DCAF12: variants seen among roughly 807,000 people sequenced by gnomAD.
DCAF12 encodes the protein DDB1 and CUL4 associated factor 12, also known as DDB1- and CUL4-associated factor 12.
DCAF12 carries 28 observed loss-of-function variants against 52.8 expected under a neutral mutation model. The observed-to-expected ratio is 0.53, with a 90% CI of 0.39 to 0.73. The LOEUF is 0.73. Among genes scored for constraint, DCAF12 ranks in the 30% least tolerant of loss-of-function variants. DCAF12 has a pLI of 0.00. For synonymous variants in DCAF12, 196 were observed against 215.5 expected (o/e 0.91, Z 0.79); for missense variants, 425 against 552.2 (o/e 0.77, Z 2.31).
intron 2 of DCAF12, among the ~76,000 whole-genome samples, chr9:34,111,574 C>A (rs991720534): frequency 2.6e-5 from 4 of 152,188 alleles, no homozygotes; most frequent in African/African-American, 9.7e-5. Flanking sequence ...ACAACAGTCA[C>A]CTTTCAGAGG....
At chr9:34,098,674 G>A (rs766867805) in intron 4 of DCAF12, among the ~76,000 whole-genome samples, 157 bp from the exon 5 acceptor site, 6 of 152,338 alleles carry the variant, frequency 3.9e-5, no homozygotes, top group Non-Finnish European at 8.8e-5. Flanking sequence ...CAGAGCAGTA[G>A]GCATTTTAAT....
chr9:34,126,381 T>C lies in DCAF12; in HGVS notation c.51A>G (p.Gly17=), dbSNP rs1224333650. The C allele has an allele frequency of 6.2e-7, 1 of 1,611,998 alleles. No individual in the cohort carries two copies. Among genetic ancestry groups the C allele is most frequent in the Admixed American group, 1.7e-5 (1 of 59,998 alleles). ...SRKRKAPASP[G]AGSDAQGPQF... Reference sequence around the variant, plus strand: ...GCGGGCCCTGAGCGTCGCTCCCAGCTCCCGGCGAGGCGGGCGCTTTCCGCT... The same window carrying C: ...GCGGGCCCTGAGCGTCGCTCCCAGCCCCCGGCGAGGCGGGCGCTTTCCGCT... The change falls in exon 1 of 9, where the codon GGA becomes GGG. Residue 17 remains glycine (G), a synonymous_variant. Coordinates refer to ENST00000361264, the MANE Select transcript of DCAF12 (RefSeq NM_015397.4).
chr9:34,101,493 A>C (rs1023361521), intron 4 of DCAF12, among the ~76,000 whole-genome samples: 8 of 151,942 alleles, frequency 5.3e-5, no homozygotes, highest in Admixed American at 5.3e-4. Context: ...ACTGGGTTCA[A>C]GTGATTCTCC....
rs1472816727 is a variant in DCAF12, at chr9:34,126,677, A to C, written c.-246T>G. The C allele has an allele frequency of 8.8e-6, 5 of 568,818 alleles. No individual in the cohort carries two copies. Among genetic ancestry groups the C allele is most frequent in the Non-Finnish European group, 1.2e-5 (4 of 323,970 alleles). The allele number at this position is 568,818 out of a possible 1,614,324, so 35.2% of individuals were successfully genotyped here. A position where few individuals can be genotyped will look rare whatever the true frequency, so the allele number is the denominator to read the frequency against. ...GCGGCTTTCCGACGGCAGAGCCTGC[A>C]AGGACGGCGAGCGGCTAGAACCAAA... On this transcript the variant is annotated 5_prime_UTR_variant, in exon 1 of 9. Coordinates refer to ENST00000361264, the MANE Select transcript of DCAF12 (RefSeq NM_015397.4).
rs527270676 is a variant in DCAF12 at position 34,089,472 on chromosome 9, A to G, written c.1143T>C (p.Tyr381=). 5.0e-6 allele frequency: 8 copies of G among 1,614,208 alleles called. No homozygotes were observed. In the South Asian group the frequency reaches 5.5e-5, roughly 11 times the overall value. The change falls in exon 8 of 9, where the codon TAT becomes TAC. Residue 381 remains tyrosine, a synonymous_variant. Transcript: ENST00000361264. ...RFLEERLSAC[Y]GSKPRLAGEN... ...CCCCTGCTAGTCTGGGCTTGGACCCATAACAAGCTGAGAGCCTCTCTTCCA... is the reference window on the plus strand; with the variant it reads ...CCCCTGCTAGTCTGGGCTTGGACCCGTAACAAGCTGAGAGCCTCTCTTCCA...
At chr9:34,097,090 T>A (rs1045192462) in intron 5 of DCAF12, among the ~76,000 whole-genome samples, 1 of 151,924 alleles carries the variant, frequency 6.6e-6, no homozygotes, top group African/African-American at 2.4e-5. Flanking sequence ...CATAATCTAG[T>A]GTGAGAATTT....
intron 2 of DCAF12, among the ~76,000 whole-genome samples, chr9:34,112,822 C>T (rs1232970611): frequency 1.4e-4 from 22 of 151,922 alleles, no homozygotes; most frequent in African/African-American, 4.6e-4. Flanking sequence ...CGCTTGAACC[C>T]GGGAGGCAGA....
intron 7 of DCAF12, among the ~76,000 whole-genome samples, chr9:34,091,264 G>A (rs1828639607): frequency 6.6e-6 from 1 of 151,764 alleles, no homozygotes; most frequent in African/African-American, 2.4e-5. Context: ...GAGGCAGAGG[G>A]TGCAGTGAGC....
intron 7 of DCAF12, among the ~76,000 whole-genome samples, chr9:34,092,081 A>C (rs1345544262): frequency 6.6e-6 from 1 of 152,222 alleles, no homozygotes; most frequent in Non-Finnish European, 1.5e-5. Context: ...GTGCTCTTAC[A>C]GAGAATATGT....
intron 2 of DCAF12, 122 bp from the exon 3 acceptor site, chr9:34,107,687 T>C (rs1035530817): frequency 1.0e-5 from 8 of 784,070 alleles, no homozygotes; most frequent in Admixed American, 2.5e-5. Context: ...TGTTAGACCC[T>C]AGGAATTATT....
chr9:34,103,199 C>T (rs1265794645), intron 4 of DCAF12, among the ~76,000 whole-genome samples: 2 of 150,072 alleles, frequency 1.3e-5, no homozygotes, highest in Non-Finnish European at 3.0e-5. Flanking sequence ...ATCACGAGGT[C>T]AGGAGTTCAA....
At chr9:34,088,848 G>A (rs1203891277) in intron 8 of DCAF12, among the ~76,000 whole-genome samples, 1 of 152,118 alleles carries the variant, frequency 6.6e-6, no homozygotes, top group Non-Finnish European at 1.5e-5. Context: ...AGTGGTTCAT[G>A]GCTGTAATCC....
intron 2 of DCAF12, among the ~76,000 whole-genome samples, chr9:34,119,335 A>C (rs1829136480): frequency 6.6e-6 from 1 of 152,206 alleles, no homozygotes; most frequent in African/African-American, 2.4e-5. Context: ...GATCACTCAG[A>C]ATTTTCTCTC....
chr9:34,109,808 TG>T, intron 2 of DCAF12: 1 of 345,240 alleles, frequency 2.9e-6, no homozygotes. Flanking sequence ...ACACCATAGG[TG>T]GGTGTGGGCA....
intron 6 of DCAF12, among the ~76,000 whole-genome samples, chr9:34,095,508 C>G (rs112718526): frequency 0.021 from 3,123 of 150,928 alleles, 118 homozygotes; most frequent in African/African-American, 0.072. Context: ...AGCACTGCTA[C>G]CCTCCAGTAG....
chr9:34,109,117 T>C (rs905278058), intron 2 of DCAF12: 5 of 151,860 alleles, frequency 3.3e-5, no homozygotes, highest in African/African-American at 9.7e-5. Context: ...GAACAGACTA[T>C]GGGTGAATAA....
intron 6 of DCAF12, among the ~76,000 whole-genome samples, chr9:34,094,679 C>G (rs2131427118): frequency 6.6e-6 from 1 of 151,924 alleles, no homozygotes; most frequent in East Asian, 2.0e-4. Context: ...TACAAGCGCC[C>G]ACCACCACGC....
intron 6 of DCAF12, among the ~76,000 whole-genome samples, chr9:34,095,406 G>A (rs1828721043): frequency 7.8e-6 from 1 of 127,872 alleles, no homozygotes; most frequent in African/African-American, 3.0e-5. Flanking sequence ...TTTGAGATAG[G>A]GTCTCGCTCT....
intron 4 of DCAF12, among the ~76,000 whole-genome samples, chr9:34,103,095 CAAAAAAAAAA>C (rs34456166): frequency 2.0e-5 from 2 of 100,210 alleles, no homozygotes; most frequent in African/African-American, 8.6e-5. Context: ...ACCTTAACTC[CAAAAAAAAAA>C]AAAAAAAAAA....
Sources: gnomAD v4.1 joint callset for allele counts (sites outside exome capture counted in the v4.1 genomes callset) on GRCh38, gnomAD v4.1.1 for gene constraint, MANE v1.5 for transcripts, NCBI Gene and HGNC (gene_info 2026-07-23, HGNC 2026-07-21) for gene names.